Variants in GARRE1 observed in about 807,000 individuals in gnomAD.
The protein encoded by GARRE1 is granule associated Rac and RHOG effector protein 1.
Under a neutral mutation model 103.2 loss-of-function variants are expected in GARRE1, and 49 were observed. The ratio of observed to expected loss-of-function variants is 0.47; its 90% CI spans 0.38 to 0.60. GARRE1 has a LOEUF of 0.60. GARRE1 is among the 20% of genes least tolerant of loss of function. The pLI, the probability that GARRE1 is intolerant of heterozygous loss-of-function variation, is 0.00. For synonymous variants in GARRE1, 505 were observed against 532.8 expected, an observed-to-expected ratio of 0.95 and a Z score of 0.72; for missense variants, 1,199 against 1,370.5, an observed-to-expected ratio of 0.87 and a Z score of 1.98.
chr19:34,307,523 G>A (rs752914020), intron 2 of GARRE1, among the ~76,000 whole-genome samples: 62 of 148,402 alleles, frequency 4.2e-4, no homozygotes, highest in Middle Eastern at 7.2e-3. Context: ...GTATATATAC[G>A]TATTATATAT....
At chr19:34,318,394 T>C (rs1377432174) in intron 2 of GARRE1, among the ~76,000 whole-genome samples, 1 of 152,168 alleles carries the variant, frequency 6.6e-6, no homozygotes, top group Non-Finnish European at 1.5e-5. Flanking sequence ...TTTGGTTCCT[T>C]GTAAAAAGCA....
intron 1 of GARRE1, among the ~76,000 whole-genome samples, chr19:34,269,206 G>A (rs964898028): frequency 2.0e-5 from 3 of 152,188 alleles, no homozygotes; most frequent in East Asian, 3.8e-4. Flanking sequence ...GTGGTAAATT[G>A]TTACAGAGCA....
intron 1 of GARRE1, among the ~76,000 whole-genome samples, chr19:34,286,723 G>A (rs778761273): frequency 6.6e-6 from 1 of 151,358 alleles, no homozygotes; most frequent in Non-Finnish European, 1.5e-5. Flanking sequence ...GGATGGTCTC[G>A]ATCTCCTGAC....
intron 1 of GARRE1, among the ~76,000 whole-genome samples, chr19:34,287,009 G>A (rs990740472): frequency 2.0e-5 from 3 of 151,706 alleles, no homozygotes; most frequent in Non-Finnish European, 2.9e-5. Flanking sequence ...CATGGTGGCG[G>A]GCGCCTGTAG....
chr19:34,270,483 G>A (rs950618258), intron 1 of GARRE1, among the ~76,000 whole-genome samples: 1 of 152,162 alleles, frequency 6.6e-6, no homozygotes, highest in Admixed American at 6.5e-5. Flanking sequence ...GAAGGGACAG[G>A]CCCTGTTGCA....
chr19:34,310,572 A>G (rs2074031683), intron 2 of GARRE1, among the ~76,000 whole-genome samples: 1 of 152,236 alleles, frequency 6.6e-6, no homozygotes, highest in South Asian at 2.1e-4. Context: ...GAGTAGGCCC[A>G]GCCACCTGGC....
At chr19:34,340,438 TTTTTCTTTTCTTTTC>T (rs60039902) in intron 9 of GARRE1, among the ~76,000 whole-genome samples, 1,976 of 145,374 alleles carry the variant, frequency 0.014, 52 homozygotes, top group African/African-American at 0.045. Context: ...CCCCTCTCCC[TTTTTCTTTTCTTTTC>T]TTTTCTTTTC....
intron 3 of GARRE1, among the ~76,000 whole-genome samples, chr19:34,321,050 CTTTTTTTT>C (rs33942697): frequency 1.4e-4 from 8 of 55,734 alleles, no homozygotes; most frequent in African/African-American, 6.4e-4. Context: ...AGACAAGATT[CTTTTTTTT>C]TTTTTTTTTT....
intron 1 of GARRE1, among the ~76,000 whole-genome samples, chr19:34,266,374 T>C (rs1459793731): frequency 2.0e-5 from 3 of 152,222 alleles, no homozygotes; most frequent in African/African-American, 7.2e-5. Flanking sequence ...TCTGTTGTTT[T>C]TTTTGAGACA....
intron 1 of GARRE1, among the ~76,000 whole-genome samples, chr19:34,269,853 A>T (rs1343243665): frequency 3.3e-5 from 5 of 152,326 alleles, no homozygotes; most frequent in Admixed American, 3.3e-4. Context: ...TCAAGTGAAC[A>T]TGCTTTAGTA....
At chr19:34,264,663 G>A (rs2073740911) in intron 1 of GARRE1, among the ~76,000 whole-genome samples, 1 of 152,226 alleles carries the variant, frequency 6.6e-6, no homozygotes, top group Admixed American at 6.5e-5. Flanking sequence ...CTCCCAAAGT[G>A]CTGGGATTAT....
intron 1 of GARRE1, among the ~76,000 whole-genome samples, chr19:34,286,935 AGC>A (rs1262708289): frequency 6.6e-6 from 1 of 152,062 alleles, no homozygotes; most frequent in Non-Finnish European, 1.5e-5. Context: ...CTCAAATTAT[AGC>A]ATACATCAGA....
chr19:34,315,710 C>CAAAAAAAAAAAAAAAAAAAA (rs35321775), intron 2 of GARRE1, among the ~76,000 whole-genome samples: 2 of 62,554 alleles, frequency 3.2e-5, no homozygotes, highest in African/African-American at 6.8e-5. Context: ...GACTCTGTCT[C>CAAAAAAAAAAAAAAAAAAAA]AAAAAAAAAA....
chr19:34,341,978 C>G lies in GARRE1; in HGVS notation c.2044C>G (p.Gln682Glu), dbSNP rs1436616336. The G allele has an allele frequency of 6.2e-7, 1 of 1,614,056 alleles. No individual in the cohort carries two copies. The highest frequency in any genetic ancestry group is 2.2e-5 in the East Asian group (1 of 44,894). The change falls in exon 10 of 14, where the codon CAG becomes GAG. Residue 682 changes from glutamine (Q) to glutamate (E), a missense_variant. Transcript: ENST00000299505. ...NSAATAMVTE[Q>E]KAGAMQPQQP... ...TGCTGCCACAGCCATGGTGACTGAG[C>G]AGAAGGCAGGAGCCATGCAACCACA...
intron 1 of GARRE1, among the ~76,000 whole-genome samples, chr19:34,291,467 A>T (rs1315295139): frequency 6.6e-6 from 1 of 152,198 alleles, no homozygotes; most frequent in Non-Finnish European, 1.5e-5. Flanking sequence ...TAATTAGTTT[A>T]TTTGGCTCAT....
chr19:34,307,842 T>C (rs2074017958), intron 2 of GARRE1, among the ~76,000 whole-genome samples: 1 of 146,314 alleles, frequency 6.8e-6, no homozygotes, highest in South Asian at 2.1e-4. Flanking sequence ...AGATTAGGCC[T>C]TGCCATATTG....
intron 7 of GARRE1, 49 bp from the exon 8 acceptor site, chr19:34,333,655 C>T (rs1232384231): frequency 2.8e-6 from 3 of 1,067,202 alleles, no homozygotes; most frequent in Non-Finnish European, 4.2e-6. Context: ...TTTGTTTTCT[C>T]TCTGAAAGCT....
intron 2 of GARRE1, among the ~76,000 whole-genome samples, chr19:34,311,492 G>A (rs1444436895): frequency 6.8e-6 from 1 of 147,974 alleles, no homozygotes; most frequent in Non-Finnish European, 1.5e-5. Flanking sequence ...CCTCGCATGA[G>A]TGTGCCGAGC....
At chr19:34,292,742 AT>A (rs35405834) in intron 1 of GARRE1, among the ~76,000 whole-genome samples, 105,937 of 144,338 alleles carry the variant, frequency 0.73, 38,946 homozygotes, top group Middle Eastern at 0.79. Context: ...ACCCAGCTAA[AT>A]TTTTTTTTTT....
Sources: allele counts gnomAD v4.1 joint callset (sites outside exome capture counted in the v4.1 genomes callset), GRCh38; gene constraint gnomAD v4.1.1; transcripts MANE v1.5; gene names NCBI Gene and HGNC (gene_info 2026-07-23, HGNC 2026-07-21).